Variants in GLRA1 observed in about 807,000 individuals in gnomAD.
GLRA1 encodes the protein glycine receptor subunit alpha-1.
GLRA1 carries 37 observed loss-of-function variants against 48.3 expected under a neutral mutation model. The ratio of observed to expected loss-of-function variants is 0.77; its 90% CI spans 0.59 to 1.01. The LOEUF (loss-of-function observed/expected upper bound fraction) is 1.01. Among genes scored for constraint, GLRA1 ranks in the 50% least tolerant of loss-of-function variants. The probability of loss-of-function intolerance (pLI) is 0.00; values close to 1 mark genes in which losing one functional copy is unlikely to be tolerated. For synonymous variants in GLRA1, 196 were observed against 210.7 expected (o/e 0.93, Z 0.60); for missense variants, 427 against 571.0 (o/e 0.75, Z 2.57).
intron 1 of GLRA1, among the ~76,000 whole-genome samples, chr5:151,900,732 C>A (rs1387315820): frequency 6.6e-6 from 1 of 152,166 alleles, no homozygotes; most frequent in Non-Finnish European, 1.5e-5. Flanking sequence ...TCATGACAGT[C>A]CTGGTCTTTT....
At chr5:151,830,800 G>A (rs750401092) in intron 7 of GLRA1, among the ~76,000 whole-genome samples, 4 of 152,212 alleles carry the variant, frequency 2.6e-5, no homozygotes, top group Non-Finnish European at 4.4e-5. Context: ...AGAGAGGGTA[G>A]AATTTGATTT....
At chr5:151,838,882 C>CA (rs1213428037) in intron 7 of GLRA1, among the ~76,000 whole-genome samples, 1 of 151,456 alleles carries the variant, frequency 6.6e-6, no homozygotes, top group Non-Finnish European at 1.5e-5. Flanking sequence ...AAGTCAGAAT[C>CA]TTTTTTTTTC....
At chr5:151,860,693 A>G (rs915246396) in intron 3 of GLRA1, among the ~76,000 whole-genome samples, 32 of 151,886 alleles carry the variant, frequency 2.1e-4, no homozygotes, top group Non-Finnish European at 3.2e-4. Context: ...AAGGTTTACT[A>G]GATGTCATGG....
chr5:151,859,685 G>A (rs1379829935), intron 4 of GLRA1, 100 bp downstream of exon 4: 1 of 860,370 alleles, frequency 1.2e-6, no homozygotes, highest in Non-Finnish European at 2.0e-6. Flanking sequence ...GCCAGGGCCT[G>A]TTCACCTCTG....
intron 2 of GLRA1, among the ~76,000 whole-genome samples, chr5:151,889,190 T>A (rs952655164): frequency 1.3e-5 from 2 of 152,274 alleles, no homozygotes; most frequent in South Asian, 2.1e-4. Flanking sequence ...GAAATAAATC[T>A]GAAATTAAAT....
chr5:151,886,844 G>A, intron 2 of GLRA1, 56 bp from the exon 3 acceptor site: 1 of 1,262,790 alleles, frequency 7.9e-7, no homozygotes, highest in South Asian at 1.2e-5. Flanking sequence ...AACCCACAGG[G>A]TAGGACTCAT....
intron 1 of GLRA1, among the ~76,000 whole-genome samples, chr5:151,923,779 G>A (rs7712434): frequency 0.46 from 70,478 of 151,994 alleles, 16,555 homozygotes; most frequent in East Asian, 0.56. Flanking sequence ...TTCAGGATCT[G>A]CAGCTAACAG....
intron 7 of GLRA1, among the ~76,000 whole-genome samples, chr5:151,836,544 C>G (rs1041420914): frequency 5.3e-5 from 8 of 152,096 alleles, no homozygotes; most frequent in African/African-American, 1.7e-4. Flanking sequence ...TCACACTACC[C>G]AACTTCAAGC....
At chr5:151,828,531 G>T (rs1159573535) in intron 8 of GLRA1, among the ~76,000 whole-genome samples, 1 of 152,206 alleles carries the variant, frequency 6.6e-6, no homozygotes, top group African/African-American at 2.4e-5. Flanking sequence ...CTCACCTTTT[G>T]TGGTGCAATT....
intron 8 of GLRA1, among the ~76,000 whole-genome samples, chr5:151,826,835 T>G (rs1412895383): frequency 6.6e-6 from 1 of 152,196 alleles, no homozygotes; most frequent in Non-Finnish European, 1.5e-5. Context: ...ACAAACAGCA[T>G]CTACTGGAGC....
chr5:151,859,818 A>G lies in GLRA1; in HGVS notation c.443T>C (p.Ile148Thr). The change falls in exon 4 of 9, where the codon ATC becomes ACC. Residue 148 changes from isoleucine (I) to threonine (T), a missense_variant. Physicochemically the swap from Ile to Thr is moderately conservative, Grantham distance 89. Coordinates refer to ENST00000274576, the MANE Select transcript of GLRA1 (RefSeq NM_000171.4). Reference sequence around the variant, plus strand: ...GTAGAGGACATTCCCATTCCGGGAGATCCTTAGCAATTTGTTGTCTGTGGT... The same window carrying G: ...GTAGAGGACATTCCCATTCCGGGAGGTCCTTAGCAATTTGTTGTCTGTGGT... Reference protein sequence around the residue: ...EITTDNKLLRISRNGNVLYSI... With the variant: ...EITTDNKLLRTSRNGNVLYSI... 4 of 1,613,856 alleles carry G rather than the reference A, an allele frequency of 2.5e-6. No individual in the cohort carries two copies. Among genetic ancestry groups the G allele is most frequent in the Non-Finnish European group, 1.7e-6 (2 of 1,179,862 alleles).
At chr5:151,888,320 C>G (rs1753970367) in intron 2 of GLRA1, among the ~76,000 whole-genome samples, 1 of 152,178 alleles carries the variant, frequency 6.6e-6, no homozygotes, top group South Asian at 2.1e-4. Context: ...GTTTTTCCTT[C>G]AAGGGATTAT....
intron 1 of GLRA1, among the ~76,000 whole-genome samples, chr5:151,910,040 T>C (rs1307145365): frequency 6.6e-6 from 1 of 152,234 alleles, no homozygotes; most frequent in East Asian, 1.9e-4. Context: ...GCCTTCCATT[T>C]TCCAGTGACA....
At chr5:151,905,836 C>T (rs761704239) in intron 1 of GLRA1, among the ~76,000 whole-genome samples, 6 of 152,146 alleles carry the variant, frequency 3.9e-5, no homozygotes, top group African/African-American at 9.7e-5. Flanking sequence ...GACATTGGAA[C>T]GTGCTGGAGG....
intron 3 of GLRA1, among the ~76,000 whole-genome samples, chr5:151,862,662 G>A (rs967623832): frequency 2.0e-5 from 3 of 152,208 alleles, no homozygotes; most frequent in Non-Finnish European, 4.4e-5. Context: ...AAATACAATA[G>A]GCTTCTTTAT....
intron 1 of GLRA1, among the ~76,000 whole-genome samples, chr5:151,898,329 G>A (rs1256064461): frequency 1.3e-5 from 2 of 151,820 alleles, no homozygotes; most frequent in Non-Finnish European, 2.9e-5. Flanking sequence ...TTTCTCCAAG[G>A]GGCCAACCTG....
At chr5:151,894,869 T>G (rs1427217122) in intron 1 of GLRA1, among the ~76,000 whole-genome samples, 2 of 152,222 alleles carry the variant, frequency 1.3e-5, no homozygotes, top group African/African-American at 4.8e-5. Context: ...CATCTGGTAT[T>G]GCTTTGAAGA....
intron 7 of GLRA1, among the ~76,000 whole-genome samples, chr5:151,835,189 T>A (rs538832449): frequency 5.9e-5 from 9 of 152,148 alleles, no homozygotes; most frequent in African/African-American, 2.2e-4. Context: ...ATGGATAAAT[T>A]CCTGGACACA....
chr5:151,892,154 G>T (rs927615126), intron 2 of GLRA1, among the ~76,000 whole-genome samples, 157 bp downstream of exon 2: 2 of 152,224 alleles, frequency 1.3e-5, no homozygotes, highest in African/African-American at 4.8e-5. Context: ...CTTGGTGGGA[G>T]AGAAGACTGA....
Sources: gnomAD v4.1 joint callset for allele counts (sites outside exome capture counted in the v4.1 genomes callset) on GRCh38, gnomAD v4.1.1 for gene constraint, MANE v1.5 for transcripts, NCBI Gene and HGNC (gene_info 2026-07-23, HGNC 2026-07-21) for gene names.